Variants in LGR5 observed in about 807,000 individuals in gnomAD.
LGR5 encodes leucine-rich repeat-containing G protein-coupled receptor 5.
LGR5 carries 54 observed loss-of-function variants against 76.7 expected under a neutral mutation model. That is an observed-to-expected ratio of 0.70 (90% confidence interval 0.57 to 0.88). LGR5 has a LOEUF of 0.88. Among genes scored for constraint, LGR5 ranks in the 40% least tolerant of loss-of-function variants. The pLI is 0.00. For synonymous variants in LGR5, 406 were observed against 421.9 expected (o/e 0.96, Z 0.46); for missense variants, 1,078 against 1,073.3 (o/e 1.00, Z -0.06).
chr12:71,528,911 G>C (rs139704412), intron 3 of LGR5, among the ~76,000 whole-genome samples: 2 of 152,258 alleles, frequency 1.3e-5, no homozygotes, highest in African/African-American at 4.8e-5. Flanking sequence ...ATTAATGCTT[G>C]CTTCAGAATG....
intron 1 of LGR5, among the ~76,000 whole-genome samples, chr12:71,501,117 AG>A (rs1874579162): frequency 6.6e-6 from 1 of 152,228 alleles, no homozygotes; most frequent in South Asian, 2.1e-4. Context: ...CATTACTTAA[AG>A]AGTAAATAAT....
chr12:71,500,810 A>G (rs906338358), intron 1 of LGR5, among the ~76,000 whole-genome samples: 14 of 151,966 alleles, frequency 9.2e-5, no homozygotes, highest in Non-Finnish European at 1.5e-5. Flanking sequence ...ATATATAACA[A>G]CTGCTCTCAT....
At chr12:71,539,713 A>G (rs889533549) in intron 4 of LGR5, among the ~76,000 whole-genome samples, 2 of 152,180 alleles carry the variant, frequency 1.3e-5, no homozygotes, top group Admixed American at 6.5e-5. Context: ...CCTGAGCTCA[A>G]GTAATCTGCC....
At chr12:71,541,187 A>G (rs980562485) in intron 4 of LGR5, among the ~76,000 whole-genome samples, 12 of 152,226 alleles carry the variant, frequency 7.9e-5, no homozygotes, top group African/African-American at 2.4e-4. Context: ...TTATTTTAAC[A>G]GGAAAAGCTC....
intron 1 of LGR5, among the ~76,000 whole-genome samples, chr12:71,453,464 CTTTT>C (rs565288717): frequency 1.4e-5 from 2 of 138,316 alleles, no homozygotes; most frequent in African/African-American, 2.6e-5. Context: ...TTATCCTTTC[CTTTT>C]TTTTTTTTTT....
chr12:71,518,785 T>C (rs1164882875), intron 2 of LGR5, among the ~76,000 whole-genome samples: 1 of 152,044 alleles, frequency 6.6e-6, no homozygotes. Flanking sequence ...GGGAGCTAAA[T>C]GATGAGAACA....
chr12:71,524,941 G>C (rs966367710), intron 3 of LGR5, among the ~76,000 whole-genome samples: 2 of 152,168 alleles, frequency 1.3e-5, no homozygotes, highest in East Asian at 3.9e-4. Flanking sequence ...GTAAAGCCTA[G>C]TGTAGAGCAG....
At chr12:71,571,424 T>G (rs911079249) in intron 11 of LGR5, 90 bp from the exon 12 acceptor site, 6 of 926,606 alleles carry the variant, frequency 6.5e-6, no homozygotes, top group East Asian at 2.5e-5. Context: ...TTGGGAGATA[T>G]AACATCTTGG....
intron 1 of LGR5, among the ~76,000 whole-genome samples, chr12:71,481,117 T>C (rs1270575046): frequency 1.3e-5 from 2 of 152,206 alleles, no homozygotes; most frequent in Admixed American, 6.5e-5. Context: ...AGTTCCAGGA[T>C]ACATGTGCAG....
At chr12:71,470,278 C>T (rs1383514884) in intron 1 of LGR5, among the ~76,000 whole-genome samples, 2 of 152,228 alleles carry the variant, frequency 1.3e-5, no homozygotes, top group East Asian at 1.9e-4. Flanking sequence ...TCTCACTAAA[C>T]TCCCTTTTTA....
chr12:71,487,890 C>T (rs902213957), intron 1 of LGR5, among the ~76,000 whole-genome samples: 3 of 152,158 alleles, frequency 2.0e-5, no homozygotes, highest in African/African-American at 7.2e-5. Context: ...GATAAATTAG[C>T]AGTAATAAAA....
intron 1 of LGR5, among the ~76,000 whole-genome samples, chr12:71,468,483 C>T (rs1872950551): frequency 6.6e-6 from 1 of 152,132 alleles, no homozygotes; most frequent in Admixed American, 6.5e-5. Flanking sequence ...GCCTTTTAAT[C>T]AAGGCATTAT....
At chr12:71,580,725 G>A (rs1196580733) in intron 16 of LGR5, among the ~76,000 whole-genome samples, 1 of 152,018 alleles carries the variant, frequency 6.6e-6, no homozygotes, top group African/African-American at 2.4e-5. Context: ...TTCAACCCGG[G>A]AGGCAGGTTG....
intron 14 of LGR5, 41 bp from the exon 15 acceptor site, chr12:71,578,763 T>A (rs1413463042): frequency 6.4e-7 from 1 of 1,557,596 alleles, no homozygotes; most frequent in Non-Finnish European, 8.7e-7. Context: ...CGTTTTATGC[T>A]AACATAGACT....
intron 3 of LGR5, among the ~76,000 whole-genome samples, chr12:71,531,782 C>T (rs372903268): frequency 2.0e-5 from 3 of 152,222 alleles, no homozygotes; most frequent in South Asian, 2.1e-4. Flanking sequence ...GCAGGAGAAT[C>T]GCTTGAACCC....
rs192348089 is a variant in LGR5, at chr12:71,522,839, C to T, written c.285-1567C>T. ...TGGATCTGGAAGGGACCCAAGAAGA[C>T]ATTTTATCTTAACATTTCTTGTAAT... On this transcript the variant is annotated intron_variant, in intron 2 of 17. Transcript: ENST00000266674. 3.2e-3 allele frequency among the ~76,000 whole-genome samples: 494 copies of T among 152,250 alleles called. 10 individuals carry two copies. Among genetic ancestry groups the T allele is most frequent in the Admixed American group, 0.023 (351 of 15,278 alleles).
In LGR5 at chr12:71,578,834, T is replaced by C; in HGVS notation, c.1311T>C (p.Phe437=). 6.2e-7 allele frequency: 1 copy of C among 1,610,854 alleles called. No homozygotes were observed. The highest frequency in any genetic ancestry group is 8.5e-7 in the Non-Finnish European group (1 of 1,178,238). The part of the protein sequence containing the change: ...LDLSSNLLSS[F]PITGLHGLTH... ...TATCGTCCAACCTCCTGTCGTCTTT[T>C]CCTATAACTGGGTTACATGGTTTAA... Residue 437 remains phenylalanine, a synonymous_variant, in exon 15 of 18, where the codon TTT becomes TTC. Coordinates refer to ENST00000266674, the MANE Select transcript of LGR5 (RefSeq NM_003667.4).
chr12:71,577,670 C>A (rs879445639), intron 13 of LGR5, among the ~76,000 whole-genome samples: 29 of 152,162 alleles, frequency 1.9e-4, no homozygotes, highest in Non-Finnish European at 4.0e-4. Flanking sequence ...TAAAGTCAAC[C>A]TTTTAGCAAG....
intron 3 of LGR5, among the ~76,000 whole-genome samples, chr12:71,526,258 C>A (rs1460858249): frequency 6.6e-6 from 1 of 152,088 alleles, no homozygotes; most frequent in Non-Finnish European, 1.5e-5. Context: ...GCCTTCATAT[C>A]TGATATGTAC....
Sources: allele counts gnomAD v4.1 joint callset (sites outside exome capture counted in the v4.1 genomes callset), GRCh38; gene constraint gnomAD v4.1.1; transcripts MANE v1.5; gene names NCBI Gene and HGNC (gene_info 2026-07-23, HGNC 2026-07-21).